CLIP2: variants seen among roughly 807,000 people sequenced by gnomAD.
The protein encoded by CLIP2 is CAP-Gly domain-containing linker protein 2.
A neutral mutation model predicts 111.7 loss-of-function variants in CLIP2; 41 were observed. That is an observed-to-expected ratio of 0.37 (90% CI 0.29 to 0.48). CLIP2 has a LOEUF of 0.48. CLIP2 is among the 20% of genes least tolerant of loss of function. The pLI is 0.99. For missense variants in CLIP2, 1,160 were observed against 1,422.1 expected (o/e 0.82, Z 2.96); for synonymous variants, 660 against 644.2 (o/e 1.02, Z -0.37).
chr7:74,394,218 CT>C (rs1476219950), intron 13 of CLIP2, among the ~76,000 whole-genome samples: 1 of 151,328 alleles, frequency 6.6e-6, no homozygotes, highest in Non-Finnish European at 1.5e-5. Flanking sequence ...AGATTCCTCC[CT>C]TCTGGGATAC....
chr7:74,388,236 G>A (rs940352776), intron 12 of CLIP2, among the ~76,000 whole-genome samples: 1 of 152,114 alleles, frequency 6.6e-6, no homozygotes, highest in Non-Finnish European at 1.5e-5. Context: ...GGAGGTTGAG[G>A]CAGGAGAGTC....
intron 9 of CLIP2, among the ~76,000 whole-genome samples, 166 bp from the exon 10 acceptor site, chr7:74,375,721 G>A (rs1216989181): frequency 6.6e-6 from 1 of 151,932 alleles, no homozygotes; most frequent in African/African-American, 2.4e-5. Context: ...TCTACATCCA[G>A]CCAGCACTCA....
intron 11 of CLIP2, among the ~76,000 whole-genome samples, chr7:74,385,655 C>T (rs1297267009): frequency 1.3e-5 from 2 of 151,464 alleles, no homozygotes; most frequent in Non-Finnish European, 2.9e-5. Flanking sequence ...GCACTGTTAG[C>T]ACTGTTATTG....
intron 1 of CLIP2, among the ~76,000 whole-genome samples, chr7:74,297,980 A>G (rs943130313): frequency 1.3e-5 from 2 of 151,766 alleles, no homozygotes; most frequent in Admixed American, 6.6e-5. Context: ...GAGCTCCTCT[A>G]TGGTCTGGGT....
chr7:74,381,334 A>ACC (rs1379100034), intron 11 of CLIP2, among the ~76,000 whole-genome samples: 7 of 151,976 alleles, frequency 4.6e-5, no homozygotes, highest in Non-Finnish European at 2.9e-5. Context: ...GATTACAGGC[A>ACC]TGCACCACCA....
rs1791584593 is a variant in CLIP2 at position 74,400,370 on chromosome 7, G to A, written c.2881G>A (p.Asp961Asn). The A allele has an allele frequency of 3.7e-6, 6 of 1,604,278 alleles. No homozygotes were observed. In the South Asian group the frequency reaches 6.7e-5, roughly 18 times the overall value. Residue 961 changes from aspartate to asparagine, a missense_variant and splice_region_variant, in exon 15 of 17, where the codon GAC (aspartate) becomes AAC (asparagine). Coordinates refer to ENST00000223398, the MANE Select transcript of CLIP2 (RefSeq NM_003388.5). ...TCTTCCACTCTCCTGCCACTTCCAG[G>A]ACAAAGAGAAATCCCTGTCGGATCA... is the stretch of plus-strand genomic sequence containing the variant. ...RGLREKLTGL[D>N]KEKSLSDQRR...
At chr7:74,344,882 G>A (rs1294891066) in intron 3 of CLIP2, among the ~76,000 whole-genome samples, 7 of 152,236 alleles carry the variant, frequency 4.6e-5, no homozygotes, top group East Asian at 3.9e-4. Context: ...TCTCACAGAC[G>A]GGCCTCCATG....
rs187085311 is a variant in CLIP2 at position 74,321,620 on chromosome 7, C to T, written c.121+3953C>T. ...AGTAGCTGGGATTACAGGCGCCCGCCACCACGCCAGGCTAATTTTTTGTAT... is the reference window on the plus strand; with the variant it reads ...AGTAGCTGGGATTACAGGCGCCCGCTACCACGCCAGGCTAATTTTTTGTAT... On this transcript the variant is annotated intron_variant, in intron 2 of 16. Transcript: ENST00000223398. Among the ~76,000 whole-genome samples the T allele has an allele frequency of 2.6e-3, 394 of 152,064 alleles. 2 individuals carry two copies. The highest frequency in any genetic ancestry group is 9.3e-3 in the African/African-American group (385 of 41,480).
intron 2 of CLIP2, among the ~76,000 whole-genome samples, chr7:74,319,941 G>T (rs915647240): frequency 6.6e-6 from 1 of 151,712 alleles, no homozygotes; most frequent in Admixed American, 6.6e-5. Flanking sequence ...AGTGGTGGGG[G>T]CTGGGCACAG....
At chr7:74,399,545 G>GC (rs1182797644) in intron 14 of CLIP2, among the ~76,000 whole-genome samples, 2 of 87,754 alleles carry the variant, frequency 2.3e-5, no homozygotes, top group Non-Finnish European at 4.3e-5. Context: ...CTTTTTTTGG[G>GC]GGGGGGGGGG....
intron 13 of CLIP2, among the ~76,000 whole-genome samples, chr7:74,396,247 C>T (rs531251736): frequency 6.6e-6 from 1 of 152,150 alleles, no homozygotes; most frequent in Non-Finnish European, 1.5e-5. Flanking sequence ...GAGATAAAAC[C>T]CATTTGACAT....
chr7:74,354,614 C>CA (rs1554308148), intron 4 of CLIP2, among the ~76,000 whole-genome samples: 1 of 151,280 alleles, frequency 6.6e-6, no homozygotes, highest in Admixed American at 6.6e-5. Context: ...GACTCTGTCT[C>CA]AAAAAAATTA....
intron 8 of CLIP2, among the ~76,000 whole-genome samples, chr7:74,365,841 ACTTC>A (rs1273623422): frequency 1.3e-5 from 2 of 151,846 alleles, no homozygotes; most frequent in Admixed American, 1.3e-4. Flanking sequence ...TGAAGCCTCC[ACTTC>A]CTGGGCTCAA....
chr7:74,384,581 G>A (rs1791033421), intron 11 of CLIP2, among the ~76,000 whole-genome samples: 1 of 151,428 alleles, frequency 6.6e-6, no homozygotes, highest in South Asian at 2.1e-4. Flanking sequence ...GAGTAGTTGG[G>A]ATTAAAGGTG....
intron 1 of CLIP2, among the ~76,000 whole-genome samples, chr7:74,303,325 C>A (rs1169869027): frequency 2.0e-5 from 3 of 152,180 alleles, no homozygotes; most frequent in Non-Finnish European, 2.9e-5. Flanking sequence ...AGGTGAGGTG[C>A]CAGCCTGGAG....
At chr7:74,346,736 A>AC (rs1789808393) in intron 3 of CLIP2, among the ~76,000 whole-genome samples, 1 of 62,078 alleles carries the variant, frequency 1.6e-5, no homozygotes, top group African/African-American at 3.2e-5. Flanking sequence ...AAAAAAAAAA[A>AC]AAAAAACAAA....
rs1554313772 is a variant in CLIP2 at position 74,380,835 on chromosome 7, G to T, written c.2451G>T (p.Glu817Asp). The change falls in exon 11 of 17, where the codon GAG (glutamate) becomes GAT (aspartate). Residue 817 changes from glutamate to aspartate, a missense_variant. Physicochemically the swap from Glu to Asp is conservative, Grantham distance 45. Transcript: ENST00000223398. ...TTGAGTCGAATGACATTTCAGAGGA[G>T]ACGATCAGGACGAAGGAAACTGTGG... The part of the protein sequence containing the change: ...HMIESNDISE[E>D]TIRTKETVEG... 6.2e-7 allele frequency: 1 copy of T among 1,611,350 alleles called. No individual in the cohort carries two copies. The highest frequency in any genetic ancestry group is 1.7e-5 in the Admixed American group (1 of 59,882).
chr7:74,402,345 C>CAA (rs559721641), intron 16 of CLIP2, among the ~76,000 whole-genome samples: 2 of 117,396 alleles, frequency 1.7e-5, no homozygotes, highest in East Asian at 2.4e-4. Flanking sequence ...AAAAAAAAAC[C>CAA]AAAAAAAAAA....
intron 2 of CLIP2, among the ~76,000 whole-genome samples, chr7:74,324,818 GAAAAA>G (rs11318033): frequency 1.1e-5 from 1 of 95,216 alleles, no homozygotes; most frequent in African/African-American, 4.2e-5. Flanking sequence ...AAGATCTTGA[GAAAAA>G]AAAAAAAAAA....
Sources: gnomAD v4.1 joint callset for allele counts (sites outside exome capture counted in the v4.1 genomes callset) on GRCh38, gnomAD v4.1.1 for gene constraint, MANE v1.5 for transcripts, NCBI Gene and HGNC (gene_info 2026-07-23, HGNC 2026-07-21) for gene names.